The following LARP1 variants were observed in gnomAD, a reference collection of about 807,000 sequenced individuals.
The protein encoded by LARP1 is la-related protein 1.
Under a neutral mutation model 122.7 loss-of-function variants are expected in LARP1, and 36 were observed. The ratio of observed to expected loss-of-function variants is 0.29; its 90% CI spans 0.22 to 0.39. LARP1 has a LOEUF of 0.39. LARP1 is among the 10% of genes least tolerant of loss of function. The pLI is 1.00. For synonymous variants in LARP1, 539 were observed against 528.7 expected, an observed-to-expected ratio of 1.02 and a Z score of -0.27; for missense variants, 1,040 against 1,403.6, an observed-to-expected ratio of 0.74 and a Z score of 4.14.
chr5:154,793,872 C>T lies in LARP1; in HGVS notation c.941C>T (p.Pro314Leu). Residue 314 changes from proline (P) to leucine (L), a missense_variant, in exon 6 of 19, where the codon CCT (proline) becomes CTT (leucine). Pro to Leu is a moderately conservative substitution (Grantham distance 98). Around this residue, in one of 8 missense-constraint regions of LARP1, gnomAD observed 178 missense variants for 178.3 expected, o/e 1.00. Transcript: ENST00000518297. ...TGGCAACCAGAGATCAAACCGGAGCCTGCCTGGCACGACCAGGATGAGACA... is the reference window on the plus strand; with the variant it reads ...TGGCAACCAGAGATCAAACCGGAGCTTGCCTGGCACGACCAGGATGAGACA... The part of the protein sequence containing the change: ...PAWQPEIKPE[P>L]AWHDQDETSS... The T allele has an allele frequency of 6.2e-7, 1 of 1,614,212 alleles. No homozygotes were observed. Among genetic ancestry groups the T allele is most frequent in the Non-Finnish European group, 8.5e-7 (1 of 1,180,024 alleles).
In LARP1 at chr5:154,815,527, T is replaced by G. The variant is rs1020454911; in HGVS notation, c.*1431T>G. ...TTTGAGACCTCAGGGAGGCTCTGTC[T>G]CTCTTAAAAGGTGGAGAAAGATGCC... is the stretch of plus-strand genomic sequence containing the variant. On this transcript the variant is annotated 3_prime_UTR_variant, in exon 19 of 19. Transcript: ENST00000518297. The G allele has an allele frequency of 3.9e-5, 6 of 152,150 alleles. No individual in the cohort carries two copies. Among genetic ancestry groups the G allele is most frequent in the African/African-American group, 1.4e-4 (6 of 41,434 alleles). The allele number at this position is 152,150 out of a possible 1,614,324, so 9.4% of individuals were successfully genotyped here. A position where few individuals can be genotyped will look rare whatever the true frequency, so the allele number is the denominator to read the frequency against.
At chr5:154,695,842 C>T (rs1460868883) in intron 1 of LARP1, among the ~76,000 whole-genome samples, 1 of 151,738 alleles carries the variant, frequency 6.6e-6, no homozygotes, top group Non-Finnish European at 1.5e-5. Flanking sequence ...CGCTGCACTC[C>T]AGCCTGGGCG....
intron 1 of LARP1, among the ~76,000 whole-genome samples, chr5:154,762,479 G>A (rs1456370372): frequency 6.6e-6 from 1 of 152,176 alleles, no homozygotes; most frequent in Non-Finnish European, 1.5e-5. Context: ...AATAGCCTGG[G>A]ATGTCTTCCT....
chr5:154,786,028 T>A lies in LARP1; in HGVS notation c.437-4297T>A, dbSNP rs531754920. 5.3e-5 allele frequency among the ~76,000 whole-genome samples: 8 copies of A among 152,302 alleles called. No homozygotes were observed. In the East Asian group the frequency reaches 1.5e-3, roughly 29 times the overall value. ...CCATATTCAGATTGCTTCTTGCACA[T>A]AGCAATTTTGGTATGCTTCACTTTT... On this transcript the variant is annotated intron_variant, in intron 1 of 18. Coordinates refer to ENST00000518297, the MANE Select transcript of LARP1 (RefSeq NM_033551.3).
chr5:154,746,117 A>G (rs1178085416), intron 1 of LARP1, among the ~76,000 whole-genome samples: 1 of 152,164 alleles, frequency 6.6e-6, no homozygotes, highest in Admixed American at 6.5e-5. Flanking sequence ...CTCTTTTGAC[A>G]TCAAACCCTT....
At chr5:154,734,408 C>G (rs1455986070) in intron 1 of LARP1, among the ~76,000 whole-genome samples, 1 of 152,000 alleles carries the variant, frequency 6.6e-6, no homozygotes, top group African/African-American at 2.4e-5. Flanking sequence ...TAATAAGTAA[C>G]AAAATGTTCC....
intron 2 of LARP1, 59 bp from the exon 3 acceptor site, chr5:154,790,586 G>A: frequency 6.3e-7 from 1 of 1,578,526 alleles, no homozygotes; most frequent in Non-Finnish European, 8.7e-7. Flanking sequence ...CTTGGGTCGG[G>A]GGCTGAATAG....
intron 16 of LARP1, 106 bp downstream of exon 16, chr5:154,808,709 G>T: frequency 8.6e-7 from 1 of 1,162,422 alleles, no homozygotes. Context: ...GCATGTGTAT[G>T]TTCATTCATA....
chr5:154,765,885 A>G (rs980240143), intron 1 of LARP1, among the ~76,000 whole-genome samples: 11 of 152,250 alleles, frequency 7.2e-5, no homozygotes, highest in African/African-American at 1.7e-4. Context: ...TGTGTCAGAC[A>G]TAGGGGATAC....
At chr5:154,807,239 T>A (rs1040615150) in intron 15 of LARP1, among the ~76,000 whole-genome samples, 6 of 152,226 alleles carry the variant, frequency 3.9e-5, no homozygotes, top group Admixed American at 3.9e-4. Flanking sequence ...CATTCATCAG[T>A]TGATTGGCAT....
At chr5:154,764,392 G>C (rs895972604) in intron 1 of LARP1, among the ~76,000 whole-genome samples, 1 of 149,290 alleles carries the variant, frequency 6.7e-6, no homozygotes, top group Non-Finnish European at 1.5e-5. Flanking sequence ...TCACTTGAGC[G>C]CAGGAGTTCA....
chr5:154,705,709 C>T (rs1754916753), intron 1 of LARP1: 1 of 151,952 alleles, frequency 6.6e-6, no homozygotes, highest in Non-Finnish European at 1.5e-5. Context: ...CTTCTCACTA[C>T]TGCACTTGAC....
intron 16 of LARP1, among the ~76,000 whole-genome samples, chr5:154,809,531 T>A (rs1759080819): frequency 6.6e-6 from 1 of 152,134 alleles, no homozygotes; most frequent in South Asian, 2.1e-4. Context: ...AAGTTTGTGC[T>A]CTTCCAGACT....
intron 1 of LARP1, among the ~76,000 whole-genome samples, chr5:154,744,698 CGG>C: frequency 4.5e-5 from 4 of 89,096 alleles, no homozygotes; most frequent in Non-Finnish European, 7.8e-5. Context: ...AGTGCAGTGG[CGG>C]GATCTCGGCT....
intron 1 of LARP1, among the ~76,000 whole-genome samples, chr5:154,693,661 C>T (rs1300675082): frequency 1.3e-5 from 2 of 152,172 alleles, no homozygotes; most frequent in East Asian, 3.9e-4. Flanking sequence ...CAAGACCATC[C>T]TGGCTAACAC....
upstream of LARP1, among the ~76,000 whole-genome samples, chr5:154,755,197 C>T (rs1411036035): frequency 6.7e-6 from 1 of 149,078 alleles, no homozygotes; most frequent in Non-Finnish European, 1.5e-5. Context: ...GGCAGGACCG[C>T]GTAGCCGTGC....
intron 1 of LARP1, among the ~76,000 whole-genome samples, chr5:154,769,417 A>G (rs1755220477): frequency 6.6e-6 from 1 of 152,258 alleles, no homozygotes; most frequent in African/African-American, 2.4e-5. Flanking sequence ...CAGACTGCCT[A>G]GCTCACAGAG....
At position 154,803,215 on chromosome 5, in the gene LARP1, A is replaced by C. The variant is rs1003704040; in HGVS notation, c.2110-75A>C. On this transcript the variant is annotated intron_variant, in intron 11 of 18. Transcript: ENST00000518297. This position sits in a 1 kb window ranked among gnomAD's most constrained non-coding sequence, Gnocchi z 4.4. ...GAGCTGCCCTCTCCAACTTCCTGCCAGTCTTGATTCCTTAAACAGGCTAGA... is the reference window on the plus strand; with the variant it reads ...GAGCTGCCCTCTCCAACTTCCTGCCCGTCTTGATTCCTTAAACAGGCTAGA... 8.3e-5 allele frequency: 132 copies of C among 1,589,418 alleles called. No individual in the cohort carries two copies. Among genetic ancestry groups the C allele is most frequent in the Non-Finnish European group, 1.1e-4 (129 of 1,159,820 alleles).
rs201541263 is a variant in LARP1 at position 154,759,918 on chromosome 5, A to AGTTT, written c.436+3758_436+3761dup. Among the ~76,000 whole-genome samples, 1,370 of 149,532 alleles carry AGTTT rather than the reference A, an allele frequency of 9.2e-3. 10 individuals are homozygous for AGTTT. The highest frequency in any genetic ancestry group is 0.025 in the East Asian group (128 of 5,042). On this transcript the variant is annotated intron_variant, in intron 1 of 18. Transcript: ENST00000518297. The stretch of plus-strand genomic sequence containing the variant: ...AGTGCATTTAAGATAGGCTGGGCTA[A>AGTTT]GTTTGTTTGTTTGTTTGTTTGTTTG...
Sources: allele counts gnomAD v4.1 joint callset (sites outside exome capture counted in the v4.1 genomes callset), GRCh38; gene constraint gnomAD v4.1.1; regional missense constraint gnomAD v4.1.1; non-coding constraint Gnocchi (gnomAD v3.1); transcripts MANE v1.5; gene names NCBI Gene and HGNC (gene_info 2026-07-23, HGNC 2026-07-21).